Variants in LEKR1 observed in about 807,000 individuals in gnomAD.
LEKR1 encodes the protein leucine, glutamate and lysine rich 1.
In LEKR1, 59 loss-of-function variants were observed where a neutral mutation model predicts 72.4. That is an observed-to-expected ratio of 0.82 (90% CI 0.66 to 1.01). The LOEUF (loss-of-function observed/expected upper bound fraction) is 1.01, where lower values mean the gene tolerates loss of function less well. LEKR1 is among the 50% of genes least tolerant of loss of function. The probability of loss-of-function intolerance (pLI) is 0.00; values close to 1 mark genes in which losing one functional copy is unlikely to be tolerated. For missense variants in LEKR1, 728 were observed against 759.2 expected (o/e 0.96, Z 0.48); for synonymous variants, 257 against 263.2 (o/e 0.98, Z 0.23).
At chr3:156,903,027 A>C (rs952860698) in intron 3 of LEKR1, among the ~76,000 whole-genome samples, 1 of 151,984 alleles carries the variant, frequency 6.6e-6, no homozygotes, top group Admixed American at 6.6e-5. Flanking sequence ...TTTTTTTGCT[A>C]CTGCAAATTA....
chr3:157,020,902 A>G (rs1254855055), intron 10 of LEKR1, among the ~76,000 whole-genome samples: 3 of 151,160 alleles, frequency 2.0e-5, no homozygotes, highest in Non-Finnish European at 4.4e-5. Context: ...CCAACAGTGT[A>G]AAAGGGTTCC....
chr3:156,941,352 C>T (rs750171197), intron 5 of LEKR1, among the ~76,000 whole-genome samples: 23 of 152,082 alleles, frequency 1.5e-4, no homozygotes, highest in Non-Finnish European at 2.6e-4. Context: ...TCTCCTTGTA[C>T]TACATTCGTG....
At chr3:156,989,074 C>T (rs1730945695) in intron 7 of LEKR1, among the ~76,000 whole-genome samples, 1 of 152,316 alleles carries the variant, frequency 6.6e-6, no homozygotes, top group African/African-American at 2.4e-5. Context: ...TCATGATCCA[C>T]CTGCCTTGGC....
At chr3:156,827,800 A>T (rs970609249) in intron 1 of LEKR1, among the ~76,000 whole-genome samples, 3 of 152,242 alleles carry the variant, frequency 2.0e-5, no homozygotes, top group African/African-American at 7.2e-5. Context: ...GCACTACACA[A>T]AAACTGTTCT....
rs115621024 is a variant in LEKR1 at position 156,956,976 on chromosome 3, A to G, written c.745+14262A>G. Among the ~76,000 whole-genome samples the G allele has an allele frequency of 2.8e-3, 420 of 152,154 alleles. 4 individuals carry two copies. Among genetic ancestry groups the G allele is most frequent in the African/African-American group, 9.6e-3 (399 of 41,548 alleles). On this transcript the variant is annotated intron_variant, in intron 6 of 12. Transcript: ENST00000356539. ...TTTTTAAATTAGTACAAAGACTTTA[A>G]TGGTAAAGTTTTCCTTCATTTGGTG...
rs796121295 is a variant in LEKR1, at chr3:156,957,534, G to GA, written c.745+14830dup. 2.7e-3 allele frequency among the ~76,000 whole-genome samples: 395 copies of GA among 145,672 alleles called. 2 individuals carry two copies. Among genetic ancestry groups the GA allele is most frequent in the African/African-American group, 7.2e-3 (289 of 39,920 alleles). On this transcript the variant is annotated intron_variant, in intron 6 of 12. Transcript: ENST00000356539. ...TAGCTCACATTCTACCTCCTACAGT[G>GA]AAAAAAAAAACTCCTCAAAACAATA...
chr3:156,987,269 G>T (rs1027319534), intron 7 of LEKR1, among the ~76,000 whole-genome samples: 2 of 152,090 alleles, frequency 1.3e-5, no homozygotes. Context: ...GGGTAACAAA[G>T]GTAGACCATA....
chr3:157,007,992 A>G (rs779655880), intron 9 of LEKR1, among the ~76,000 whole-genome samples: 18 of 152,232 alleles, frequency 1.2e-4, no homozygotes, highest in Non-Finnish European at 2.5e-4. Context: ...CAAAGGAGAC[A>G]GGAATGGCCA....
Position 156,952,292 on chromosome 3 carries a change from C to T in LEKR1, c.745+9578C>T, listed in dbSNP as rs75269551. Among the ~76,000 whole-genome samples the T allele has an allele frequency of 4.3e-3, 644 of 151,406 alleles. 2 individuals are homozygous for T. Among genetic ancestry groups the T allele is most frequent in the African/African-American group, 0.015 (618 of 41,418 alleles). ...TATTTTTAGCTAAATGGAGGCACATCGAAACCATGTGAGAGTAGTAGCAAC... is the reference window on the plus strand; with the variant it reads ...TATTTTTAGCTAAATGGAGGCACATTGAAACCATGTGAGAGTAGTAGCAAC... On this transcript the variant is annotated intron_variant, in intron 6 of 12. Coordinates refer to ENST00000356539, the MANE Select transcript of LEKR1 (RefSeq NM_001004316.3).
chr3:157,025,084 T>G (rs1243229316), intron 11 of LEKR1, among the ~76,000 whole-genome samples, 160 bp downstream of exon 11: 1 of 152,200 alleles, frequency 6.6e-6, no homozygotes, highest in African/African-American at 2.4e-5. Context: ...TGGCTAATTC[T>G]CCAGAATGGA....
rs1004177992 is a variant in LEKR1 at position 157,028,286 on chromosome 3, A to T, written c.1552A>T (p.Asn518Tyr). 6.2e-7 allele frequency: 1 copy of T among 1,613,230 alleles called. No homozygotes were observed. The highest frequency in any genetic ancestry group is 1.7e-5 in the Admixed American group (1 of 59,910). Residue 518 changes from asparagine to tyrosine, a missense_variant, in exon 12 of 13, where the codon AAT becomes TAT. Coordinates refer to ENST00000356539, the MANE Select transcript of LEKR1 (RefSeq NM_001004316.3). Reference sequence around the variant, plus strand: ...TCGCTTGAAGAAGGAAATTGACAGTAATGATTCAGTTTCAGAAAACTTGAG... The same window carrying T: ...TCGCTTGAAGAAGGAAATTGACAGTTATGATTCAGTTTCAGAAAACTTGAG... ...ESRLKKEIDS[N>Y]DSVSENLRKE...
At chr3:157,040,155 A>G (rs1056660465) in intron 12 of LEKR1, among the ~76,000 whole-genome samples, 1 of 152,200 alleles carries the variant, frequency 6.6e-6, no homozygotes, top group African/African-American at 2.4e-5. Flanking sequence ...AGATATATTG[A>G]GAAATTTTTG....
chr3:156,871,679 G>A (rs750563389), intron 3 of LEKR1, among the ~76,000 whole-genome samples: 13 of 152,066 alleles, frequency 8.5e-5, no homozygotes, highest in Non-Finnish European at 1.3e-4. Context: ...TCTCATTGTC[G>A]TTTTGATTTG....
chr3:156,901,077 A>C (rs1213705037), intron 3 of LEKR1, among the ~76,000 whole-genome samples: 1 of 152,058 alleles, frequency 6.6e-6, no homozygotes, highest in Non-Finnish European at 1.5e-5. Flanking sequence ...GTCCCACTGC[A>C]GCCTCGCCAA....
chr3:157,031,903 G>A (rs1331357062), intron 12 of LEKR1, among the ~76,000 whole-genome samples: 3 of 152,064 alleles, frequency 2.0e-5, no homozygotes, highest in Non-Finnish European at 4.4e-5. Context: ...AGTGGAGCAG[G>A]GATTATTGGA....
intron 3 of LEKR1, among the ~76,000 whole-genome samples, chr3:156,889,300 G>GA (rs34030934): frequency 0.51 from 74,191 of 145,364 alleles, 20,134 homozygotes; most frequent in East Asian, 0.69. Context: ...TGTTGTTGCT[G>GA]AAAAAAAAAA....
At chr3:156,861,829 T>C (rs908521667) in intron 3 of LEKR1, among the ~76,000 whole-genome samples, 1 of 152,138 alleles carries the variant, frequency 6.6e-6, no homozygotes, top group African/African-American at 2.4e-5. Flanking sequence ...TTATAACATG[T>C]AGATCTAAGA....
intron 3 of LEKR1, among the ~76,000 whole-genome samples, chr3:156,863,535 G>T (rs1455255505): frequency 6.6e-6 from 1 of 152,006 alleles, no homozygotes; most frequent in Non-Finnish European, 1.5e-5. Flanking sequence ...TGGACAATTT[G>T]AATTTTTCTC....
chr3:156,918,779 A>G (rs1309321094), intron 3 of LEKR1, among the ~76,000 whole-genome samples: 1 of 152,160 alleles, frequency 6.6e-6, no homozygotes, highest in Non-Finnish European at 1.5e-5. Context: ...AAAAACATTA[A>G]AAGTAGTTGC....
Sources: gnomAD v4.1 joint callset for allele counts (sites outside exome capture counted in the v4.1 genomes callset) on GRCh38, gnomAD v4.1.1 for gene constraint, MANE v1.5 for transcripts, NCBI Gene and HGNC (gene_info 2026-07-23, HGNC 2026-07-21) for gene names.